LRRFIP1: variants seen among roughly 807,000 people sequenced by gnomAD.
LRRFIP1 encodes LRR binding FLII interacting protein 1.
Under a neutral mutation model 104.4 loss-of-function variants are expected in LRRFIP1, and 62 were observed. The observed-to-expected ratio is 0.59, with a 90% CI of 0.48 to 0.73. LRRFIP1 has a LOEUF of 0.73. LRRFIP1 is among the 30% of genes least tolerant of loss of function. The probability of loss-of-function intolerance (pLI) is 0.00; values close to 1 mark genes in which losing one functional copy is unlikely to be tolerated. For synonymous variants in LRRFIP1, 300 were observed against 299.0 expected (o/e 1.00, Z -0.03); for missense variants, 796 against 824.5 (o/e 0.97, Z 0.42).
intron 1 of LRRFIP1, among the ~76,000 whole-genome samples, chr2:237,631,263 G>A (rs766226346): frequency 6.6e-6 from 1 of 152,246 alleles, no homozygotes; most frequent in Non-Finnish European, 1.5e-5. Flanking sequence ...TGGCAGGGAC[G>A]TGGGTTCCAG....
At position 237,753,328 on chromosome 2, in the gene LRRFIP1, A is replaced by G; in HGVS notation, c.887A>G (p.Glu296Gly). 1 of 1,586,356 alleles carries G rather than the reference A, an allele frequency of 6.3e-7. No individual in the cohort carries two copies. Among genetic ancestry groups the G allele is most frequent in the South Asian group, 1.2e-5 (1 of 85,290 alleles). The stretch of plus-strand genomic sequence containing the variant: ...CCACAGGACTCTCTAGCAGAAGTTG[A>G]AGAGAAATATAAGAAGGCTATGGTT... ...KEMKDSLAEVEEKYKKAMVSN... is the reference protein window; with the variant it reads ...KEMKDSLAEVGEKYKKAMVSN... Residue 296 changes from glutamate (E) to glycine (G), a missense_variant, in exon 15 of 24, where the codon GAA becomes GGA. Transcript: ENST00000308482.
chr2:237,767,265 T>A (rs532664704), intron 19 of LRRFIP1, among the ~76,000 whole-genome samples: 1 of 152,100 alleles, frequency 6.6e-6, no homozygotes, highest in Admixed American at 6.5e-5. Flanking sequence ...TTAGAAAGAT[T>A]ATAGTGTCAA....
chr2:237,692,715 T>C (rs570570047), intron 1 of LRRFIP1, among the ~76,000 whole-genome samples: 8 of 152,248 alleles, frequency 5.3e-5, no homozygotes, highest in African/African-American at 1.9e-4. Flanking sequence ...GCGTCCCTCA[T>C]GCGCTAGGAA....
chr2:237,640,813 G>A (rs1335131407), intron 1 of LRRFIP1, among the ~76,000 whole-genome samples: 1 of 152,030 alleles, frequency 6.6e-6, no homozygotes. Flanking sequence ...CTCCACTCCT[G>A]TTCCCAGCGA....
intron 1 of LRRFIP1, among the ~76,000 whole-genome samples, chr2:237,654,152 A>G (rs2149411591): frequency 6.6e-6 from 1 of 152,346 alleles, no homozygotes; most frequent in Middle Eastern, 3.4e-3. Flanking sequence ...AATATAAACA[A>G]ATTAATAGCA....
intron 11 of LRRFIP1, among the ~76,000 whole-genome samples, chr2:237,739,938 G>A (rs3769070): frequency 0.054 from 8,179 of 152,188 alleles, 328 homozygotes; most frequent in East Asian, 0.13. Flanking sequence ...TTGCAGGACG[G>A]TTTTGGACTG....
intron 20 of LRRFIP1, among the ~76,000 whole-genome samples, chr2:237,771,270 C>T (rs1453537306): frequency 6.7e-6 from 1 of 148,476 alleles, no homozygotes; most frequent in South Asian, 2.1e-4. Context: ...GTTCCATATC[C>T]GTGGATTCAA....
intron 20 of LRRFIP1, among the ~76,000 whole-genome samples, chr2:237,771,262 TC>T (rs1359823009): frequency 6.7e-6 from 1 of 149,314 alleles, no homozygotes; most frequent in Non-Finnish European, 1.5e-5. Context: ...ATCCATGGGT[TC>T]CATATCCGTG....
chr2:237,747,369 G>A (rs556826260), intron 11 of LRRFIP1, among the ~76,000 whole-genome samples: 1 of 152,292 alleles, frequency 6.6e-6, no homozygotes, highest in African/African-American at 2.4e-5. Context: ...GATGGTGAGG[G>A]CAGGGGCATC....
chr2:237,757,593 CT>C, intron 17 of LRRFIP1, 45 bp downstream of exon 17: 1 of 1,417,552 alleles, frequency 7.1e-7, no homozygotes, highest in Middle Eastern at 1.7e-4. Context: ...GGGCAGCCTG[CT>C]TAGCAAATAG....
chr2:237,778,852 G>A, intron 23 of LRRFIP1, among the ~76,000 whole-genome samples: 1 of 152,074 alleles, frequency 6.6e-6, no homozygotes, highest in Non-Finnish European at 1.5e-5. Context: ...AGAAGGCGGA[G>A]GTTGCAGTGA....
At chr2:237,753,790 CAAAAAAAAA>C (rs749198309) in intron 15 of LRRFIP1, among the ~76,000 whole-genome samples, 1 of 74,778 alleles carries the variant, frequency 1.3e-5, no homozygotes, top group Non-Finnish European at 2.8e-5. Context: ...GACACTGTCT[CAAAAAAAAA>C]AAAAAAAAAA....
At chr2:237,656,197 C>A (rs947967504) in intron 1 of LRRFIP1, among the ~76,000 whole-genome samples, 1 of 151,984 alleles carries the variant, frequency 6.6e-6, no homozygotes, top group African/African-American at 2.4e-5. Context: ...AAAACAAAAC[C>A]AAGATTGTCT....
intron 21 of LRRFIP1, 137 bp downstream of exon 21, chr2:237,772,335 G>A: frequency 1.5e-6 from 1 of 645,416 alleles, no homozygotes; most frequent in Admixed American, 2.6e-5. Context: ...AAAAATAAAA[G>A]CACAAGGAGG....
At chr2:237,763,219 G>T (rs1273017368) in intron 19 of LRRFIP1, 1 of 1,614,144 alleles carries the variant, frequency 6.2e-7, no homozygotes, top group South Asian at 1.1e-5. Context: ...ACGAAGAAGA[G>T]GGTGAAGAAA....
chr2:237,724,262 GAA>G lies in LRRFIP1; in HGVS notation c.384+677_384+678del, dbSNP rs367923656. ...CTCAGCATTAAAGTGATTCGATACT[GAA>G]GTTATTGTAGCATATTATGTACTAT... On this transcript the variant is annotated intron_variant, in intron 7 of 23. Coordinates refer to ENST00000308482, the MANE Select transcript of LRRFIP1 (RefSeq NM_001137550.2). 2.2e-4 allele frequency among the ~76,000 whole-genome samples: 33 copies of G among 152,314 alleles called. No homozygotes were observed. In the East Asian group the frequency reaches 5.2e-3, roughly 24 times the overall value.
intron 1 of LRRFIP1, among the ~76,000 whole-genome samples, chr2:237,635,264 CTG>C (rs1213020266): frequency 1.3e-5 from 2 of 152,182 alleles, no homozygotes; most frequent in Admixed American, 6.5e-5. Context: ...ATGATGAACT[CTG>C]TGTCTTCTTT....
At chr2:237,708,492 T>C (rs1013994330) in intron 1 of LRRFIP1, 52 bp from the exon 2 acceptor site, 9 of 1,387,828 alleles carry the variant, frequency 6.5e-6, no homozygotes, top group African/African-American at 1.4e-5. Flanking sequence ...GACCCTGTAC[T>C]GGGAAGGTGC....
intron 1 of LRRFIP1, among the ~76,000 whole-genome samples, chr2:237,685,147 G>A (rs1206832930): frequency 6.7e-6 from 1 of 149,898 alleles, no homozygotes; most frequent in Non-Finnish European, 1.5e-5. Context: ...ATCAGAAGTG[G>A]TTTTCTTAGA....
Sources: allele counts gnomAD v4.1 joint callset (sites outside exome capture counted in the v4.1 genomes callset), GRCh38; gene constraint gnomAD v4.1.1; transcripts MANE v1.5; gene names NCBI Gene and HGNC (gene_info 2026-07-23, HGNC 2026-07-21).